Variants in SERPINB5 observed in about 807,000 individuals in gnomAD.
The protein encoded by SERPINB5 is serpin family B member 5.
In SERPINB5, 27 loss-of-function variants were observed where a neutral mutation model predicts 32.2. The observed-to-expected ratio is 0.84, with a 90% confidence interval of 0.62 to 1.16. The LOEUF is 1.16. Ranked by LOEUF, SERPINB5 falls within the 50% of genes most tolerant of loss-of-function variation. The pLI, the probability that SERPINB5 is intolerant of heterozygous loss-of-function variation, is 0.00. For synonymous variants in SERPINB5, 154 were observed against 157.4 expected (o/e 0.98, Z 0.16); for missense variants, 388 against 436.3 (o/e 0.89, Z 0.99).
chr18:63,494,876 C>T (rs935996533), intron 5 of SERPINB5, among the ~76,000 whole-genome samples: 3 of 152,170 alleles, frequency 2.0e-5, no homozygotes, highest in Non-Finnish European at 2.9e-5. Flanking sequence ...AATTTCTGGC[C>T]AAGTCCCTAA....
At position 63,503,736 on chromosome 18, in the gene SERPINB5, T is replaced by A; in HGVS notation, c.*14T>A. The A allele has an allele frequency of 6.2e-7, 1 of 1,612,192 alleles. No individual in the cohort carries two copies. The highest frequency in any genetic ancestry group is 8.5e-7 in the Non-Finnish European group (1 of 1,179,436). ...TGTTCTCCTTAAGTGGCATAGCCCA[T>A]GTTAAGTCCTCCCTGACTTTTCTGT... On this transcript the variant is annotated 3_prime_UTR_variant, in exon 7 of 7. Transcript: ENST00000382771.
At chr18:63,482,935 C>A (rs1917147911) in intron 1 of SERPINB5, among the ~76,000 whole-genome samples, 1 of 128,396 alleles carries the variant, frequency 7.8e-6, no homozygotes, top group African/African-American at 2.5e-5. Context: ...TTTTGCAAAT[C>A]TCCTTAATAT....
intron 5 of SERPINB5, 44 bp downstream of exon 5, chr18:63,493,139 A>G: frequency 1.2e-6 from 2 of 1,613,066 alleles, no homozygotes; most frequent in South Asian, 1.1e-5. Flanking sequence ...CCAATTATAG[A>G]TGTGAAAAAT....
chr18:63,486,175 T>G (rs1433672513), intron 2 of SERPINB5, among the ~76,000 whole-genome samples: 2 of 152,186 alleles, frequency 1.3e-5, no homozygotes, highest in East Asian at 3.8e-4. Context: ...GGAAAGCAGG[T>G]ATTTTCAGCC....
In SERPINB5 at chr18:63,496,902, A is replaced by G. The variant is rs1015760190; in HGVS notation, c.568-2218A>G. On this transcript the variant is annotated intron_variant, in intron 5 of 6. Transcript: ENST00000382771. ...AAAGGCCTGGGCAGTGCTTGGACAT[A>G]AAAGACCTGAACGATCAGACCCTTC... is the stretch of plus-strand genomic sequence containing the variant. 6.9e-5 allele frequency: 23 copies of G among 331,692 alleles called. 1 individual carries two copies. The highest frequency in any genetic ancestry group is 1.2e-4 in the Non-Finnish European group (20 of 169,500). 20.5% of individuals were successfully genotyped at this position (331,692 alleles called of 1,614,324 possible).
chr18:63,477,722 A>G (rs770895304), intron 1 of SERPINB5, among the ~76,000 whole-genome samples: 6 of 152,122 alleles, frequency 3.9e-5, no homozygotes, highest in Non-Finnish European at 7.3e-5. Flanking sequence ...GTAGTTTCTT[A>G]CTCATATGCT....
chr18:63,499,744 G>A (rs1365910569), intron 6 of SERPINB5, among the ~76,000 whole-genome samples: 1 of 152,098 alleles, frequency 6.6e-6, no homozygotes, highest in Non-Finnish European at 1.5e-5. Flanking sequence ...AAGGCACTAC[G>A]TTGCTACGCA....
At chr18:63,503,253 C>G (rs530124987) in intron 6 of SERPINB5, 77 bp from the exon 7 acceptor site, 4 of 1,468,438 alleles carry the variant, frequency 2.7e-6, no homozygotes, top group Non-Finnish European at 3.7e-6. Context: ...ATCATAACAC[C>G]TTATGTTTTC....
intron 1 of SERPINB5, among the ~76,000 whole-genome samples, chr18:63,481,354 A>G (rs1244408647): frequency 6.6e-6 from 1 of 152,250 alleles, no homozygotes; most frequent in East Asian, 1.9e-4. Context: ...GCACATTAAG[A>G]TCTTAAACAC....
rs551588003 is a variant in SERPINB5 at position 63,500,214 on chromosome 18, C to T, written c.735+927C>T. 7.7e-4 allele frequency among the ~76,000 whole-genome samples: 115 copies of T among 150,254 alleles called. 1 individual carries two copies. The highest frequency in any genetic ancestry group is 2.8e-3 in the African/African-American group (113 of 40,632). ...TCCCAAGTAGCTGGGACTAAAGGCA[C>T]ACAGCACTATGCCTGGCTTTTTTTT... On this transcript the variant is annotated intron_variant, in intron 6 of 6. Transcript: ENST00000382771.
At chr18:63,495,240 C>G (rs960116519) in intron 5 of SERPINB5, among the ~76,000 whole-genome samples, 5 of 152,248 alleles carry the variant, frequency 3.3e-5, no homozygotes, top group Non-Finnish European at 5.9e-5. Context: ...TCTTCACACT[C>G]TTGTGTTTTG....
intron 4 of SERPINB5, 40 bp downstream of exon 4, chr18:63,489,504 AAACAGGG>A: frequency 1.8e-6 from 2 of 1,105,500 alleles, no homozygotes; most frequent in Non-Finnish European, 2.7e-6. Flanking sequence ...ATCACCAAGT[AAACAGGG>A]CCTTCCATCT....
intron 1 of SERPINB5, 40 bp from the exon 2 acceptor site, chr18:63,484,382 A>G: frequency 6.4e-7 from 1 of 1,563,706 alleles, no homozygotes; most frequent in Admixed American, 1.9e-5. Context: ...GACGTTAAAG[A>G]TGCTTTAGAA....
intron 6 of SERPINB5, 123 bp downstream of exon 6, chr18:63,499,410 T>C (rs1427907222): frequency 1.3e-6 from 1 of 778,130 alleles, no homozygotes; most frequent in Admixed American, 3.9e-5. Flanking sequence ...ACTGGCTCAG[T>C]CACCTCCAAG....
At chr18:63,496,287 G>A (rs1909443920) in intron 5 of SERPINB5, among the ~76,000 whole-genome samples, 2 of 152,158 alleles carry the variant, frequency 1.3e-5, no homozygotes. Context: ...TCTTTAGGAG[G>A]AATATATTTT....
chr18:63,495,867 T>C (rs1478066949), intron 5 of SERPINB5, among the ~76,000 whole-genome samples: 6 of 152,236 alleles, frequency 3.9e-5, no homozygotes, highest in Admixed American at 2.0e-4. Flanking sequence ...TTCTTTTGAA[T>C]GCAGATGCTA....
rs772560698 is a variant in SERPINB5 at position 63,492,959 on chromosome 18, T to G, written c.431T>G (p.Phe144Cys). Residue 144 changes from phenylalanine to cysteine, a missense_variant, in exon 5 of 7, where the codon TTT becomes TGT. Phe to Cys is a radical substitution (Grantham distance 205, BLOSUM62 -2). Coordinates refer to ENST00000382771, the MANE Select transcript of SERPINB5 (RefSeq NM_002639.5). ...TTTCCTAAAATTGTTGCAGGCCACT[T>G]TGAGAACATTTTAGCTGACAACAGT... ...NSIKDLTDGHFENILADNSVN... is the reference protein window; with the variant it reads ...NSIKDLTDGHCENILADNSVN... 7 of 1,608,720 alleles carry G rather than the reference T, an allele frequency of 4.4e-6. No individual in the cohort carries two copies. In the South Asian group the frequency reaches 5.5e-5, roughly 13 times the overall value.
rs372412366 is a variant in SERPINB5 at position 63,494,321 on chromosome 18, C to CAA, written c.567+1249_567+1250dup. ...TGGGTGACAAAGTGAGACTCCATCT[C>CAA]AAAAAAAAAAAAAAAAAAAAAAAAG... On this transcript the variant is annotated intron_variant, in intron 5 of 6. Coordinates refer to ENST00000382771, the MANE Select transcript of SERPINB5 (RefSeq NM_002639.5). 7.8e-3 allele frequency among the ~76,000 whole-genome samples: 359 copies of CAA among 46,106 alleles called. 7 individuals are homozygous for CAA. Among genetic ancestry groups the CAA allele is most frequent in the Middle Eastern group, 0.016 (1 of 62 alleles). The allele number at this position is 46,106 out of a possible 152,430, so 30.2% of individuals were successfully genotyped here.
chr18:63,484,621 C>T, intron 2 of SERPINB5, 25 bp downstream of exon 2: 1 of 1,597,556 alleles, frequency 6.3e-7, no homozygotes, highest in South Asian at 1.1e-5. Flanking sequence ...CTTGTTTCTA[C>T]TTTAAGTGGG....
Sources: allele counts gnomAD v4.1 joint callset (sites outside exome capture counted in the v4.1 genomes callset), GRCh38; gene constraint gnomAD v4.1.1; transcripts MANE v1.5; gene names NCBI Gene and HGNC (gene_info 2026-07-23, HGNC 2026-07-21).